SLC9A1: variants seen among roughly 807,000 people sequenced by gnomAD.
SLC9A1 encodes the protein solute carrier family 9 member A1, also known as sodium/hydrogen exchanger 1.
Under a neutral mutation model 67.9 loss-of-function variants are expected in SLC9A1, and 22 were observed. The ratio of observed to expected loss-of-function variants is 0.32; its 90% CI spans 0.23 to 0.46. SLC9A1 has a LOEUF of 0.46. Among genes scored for constraint, SLC9A1 ranks in the 20% least tolerant of loss-of-function variants. The pLI is 1.00. For missense variants in SLC9A1, 686 were observed against 1,094.8 expected, an observed-to-expected ratio of 0.63 and a Z score of 5.27; for synonymous variants, 421 against 471.8, an observed-to-expected ratio of 0.89 and a Z score of 1.40.
rs1048414883 is a variant in SLC9A1 at position 27,109,272 on chromosome 1, C to A, written c.1064+255G>T. 6.6e-6 allele frequency among the ~76,000 whole-genome samples: 1 copy of A among 152,182 alleles called. No individual in the cohort carries two copies. The highest frequency in any genetic ancestry group is 1.5e-5 in the Non-Finnish European group (1 of 68,032). ...GCAGGTCATTCTTGCTTCATCTGCT[C>A]ATAGCCTGAAATGCCCTCTCCCGAT... On this transcript the variant is annotated intron_variant, in intron 3 of 11. Coordinates refer to ENST00000263980, the MANE Select transcript of SLC9A1 (RefSeq NM_003047.5). The surrounding 1 kb of genome is among the most constrained non-coding windows in gnomAD (Gnocchi z 5.5).
intron 1 of SLC9A1, among the ~76,000 whole-genome samples, chr1:27,131,947 A>ATATATAT (rs1553119559): frequency 3.8e-5 from 2 of 52,124 alleles, no homozygotes; most frequent in Non-Finnish European, 7.7e-5. Context: ...AGAAAAAAAA[A>ATATATAT]ATATATATAT....
At chr1:27,148,983 G>T (rs1257720943) in intron 1 of SLC9A1, among the ~76,000 whole-genome samples, 16 of 152,362 alleles carry the variant, frequency 1.1e-4, no homozygotes, top group African/African-American at 2.9e-4. Context: ...CCGGAAGAGA[G>T]ATAGCAGGCA....
Position 27,118,400 on chromosome 1 carries a change from G to C in SLC9A1, c.353-4114C>G, listed in dbSNP as rs2083285357. The stretch of plus-strand genomic sequence containing the variant: ...AGGCTCCTTCAGGAGCAACGGCTCA[G>C]GGAAGTGGGAAGCAGCCCCTGGACC... On this transcript the variant is annotated intron_variant, in intron 1 of 11. Transcript: ENST00000263980. The surrounding 1 kb of genome is among the most constrained non-coding windows in gnomAD (Gnocchi z 4.3). Among the ~76,000 whole-genome samples the C allele has an allele frequency of 6.6e-6, 1 of 152,198 alleles. No homozygotes were observed. Among genetic ancestry groups the C allele is most frequent in the African/African-American group, 2.4e-5 (1 of 41,456 alleles).
intron 1 of SLC9A1, among the ~76,000 whole-genome samples, chr1:27,145,604 GCAC>G (rs2083480278): frequency 2.0e-5 from 3 of 152,248 alleles, no homozygotes. Context: ...AACAGGCTCA[GCAC>G]TGTGGCAAGG....
chr1:27,107,635 C>A lies in SLC9A1; in HGVS notation c.1282+13G>T, dbSNP rs1407763206. 6.5e-7 allele frequency: 1 copy of A among 1,545,242 alleles called. No homozygotes were observed. The highest frequency in any genetic ancestry group is 2.4e-5 in the East Asian group (1 of 41,026). On this transcript the variant is annotated intron_variant, in intron 4 of 11. Transcript: ENST00000263980. The stretch of plus-strand genomic sequence containing the variant: ...CACCACAACCCCCACCCCGCCCCAG[C>A]CCTGGCCCTCACCCAGCACGCGGGC...
chr1:27,122,963 G>A (rs1227960902), intron 1 of SLC9A1, among the ~76,000 whole-genome samples: 2 of 151,696 alleles, frequency 1.3e-5, no homozygotes, highest in East Asian at 3.9e-4. Context: ...GAGGTGCCAG[G>A]CAGTGGGGTG....
chr1:27,148,929 C>G (rs1023262780), intron 1 of SLC9A1, among the ~76,000 whole-genome samples: 2 of 152,118 alleles, frequency 1.3e-5, no homozygotes, highest in Admixed American at 6.6e-5. Flanking sequence ...CTTCCCTGCC[C>G]AAGCAGGGAA....
Position 27,126,768 on chromosome 1 carries a change from G to A in SLC9A1, c.353-12482C>T, listed in dbSNP as rs1299511434. ...CTAGCAGAACTGTTTGAGGGCAGAA[G>A]TCATGTCTGGTTTAACTTTTTTTCC... On this transcript the variant is annotated intron_variant, in intron 1 of 11. Transcript: ENST00000263980. 7.9e-5 allele frequency among the ~76,000 whole-genome samples: 12 copies of A among 152,328 alleles called. No homozygotes were observed. The East Asian group carries it at 2.3e-3, about 29-fold the overall frequency.
chr1:27,148,523 G>GA lies in SLC9A1; in HGVS notation c.352+5459dup, dbSNP rs529816755. ...AACCCAGCATGTTGGCCTGGCAGGA[G>GA]AGAGTTTGGCCTTGAGTGATTAGTC... On this transcript the variant is annotated intron_variant, in intron 1 of 11. Coordinates refer to ENST00000263980, the MANE Select transcript of SLC9A1 (RefSeq NM_003047.5). Among the ~76,000 whole-genome samples the GA allele has an allele frequency of 1.7e-3, 253 of 152,228 alleles. 1 individual carries two copies. Among genetic ancestry groups the GA allele is most frequent in the African/African-American group, 5.6e-3 (232 of 41,534 alleles).
chr1:27,145,724 T>C (rs1356681852), intron 1 of SLC9A1, among the ~76,000 whole-genome samples: 1 of 152,140 alleles, frequency 6.6e-6, no homozygotes, highest in African/African-American at 2.4e-5. Flanking sequence ...TAAGGACATA[T>C]CTTTTCAGGA....
intron 1 of SLC9A1, among the ~76,000 whole-genome samples, chr1:27,139,462 C>A (rs1215425698): frequency 6.6e-6 from 1 of 152,202 alleles, no homozygotes; most frequent in East Asian, 1.9e-4. Context: ...GGGGCCGTCA[C>A]ATAGTGCAGA....
intron 1 of SLC9A1, among the ~76,000 whole-genome samples, chr1:27,144,390 GA>G (rs2083469332): frequency 6.6e-6 from 1 of 152,208 alleles, no homozygotes; most frequent in Non-Finnish European, 1.5e-5. Context: ...CCGGCCCAGA[GA>G]AGATGCCCTT....
intron 1 of SLC9A1, among the ~76,000 whole-genome samples, chr1:27,145,480 A>T (rs1445924696): frequency 6.6e-6 from 1 of 152,230 alleles, no homozygotes; most frequent in Non-Finnish European, 1.5e-5. Context: ...TTCCAGCTTC[A>T]CTTGGCATAC....
rs768169083 is a variant in SLC9A1 at position 27,102,040 on chromosome 1, G to C, written c.1911C>G (p.Asn637Lys). The change falls in exon 9 of 12, where the codon AAC becomes AAG. Residue 637 changes from asparagine (N) to lysine (K), a missense_variant. By Grantham distance (94) the Asn-to-Lys change is moderately conservative. Coordinates refer to ENST00000263980, the MANE Select transcript of SLC9A1 (RefSeq NM_003047.5). ...KEEEIRKILR[N>K]NLQKTRQRLR... ...CCCGCTGCCTGGTCTTCTGCAAGTT[G>C]TTCCTCAGGATTTTGCGGATCTCCT... 9 of 1,613,746 alleles carry C rather than the reference G, an allele frequency of 5.6e-6. No individual in the cohort carries two copies. The highest frequency in any genetic ancestry group is 7.6e-6 in the Non-Finnish European group (9 of 1,179,724).
Position 27,101,955 on chromosome 1 carries a change from C to G in SLC9A1, c.1935+61G>C. 6.8e-7 allele frequency: 1 copy of G among 1,468,958 alleles called. No individual in the cohort carries two copies. Among genetic ancestry groups the G allele is most frequent in the Non-Finnish European group, 9.5e-7 (1 of 1,051,428 alleles). 91.0% of individuals were successfully genotyped at this position (1,468,958 alleles called of 1,614,324 possible). A position where few individuals can be genotyped will look rare whatever the true frequency, so the allele number is the denominator to read the frequency against. On this transcript the variant is annotated intron_variant, in intron 9 of 11. Coordinates refer to ENST00000263980, the MANE Select transcript of SLC9A1 (RefSeq NM_003047.5). This position sits in a 1 kb window ranked among gnomAD's most constrained non-coding sequence, Gnocchi z 4.9. ...AGGGGCACGGGCAGGGCAGGGCTGCCGTAGAGAGGGGCTGAAGGGCTCCTG... is the reference window on the plus strand; with the variant it reads ...AGGGGCACGGGCAGGGCAGGGCTGCGGTAGAGAGGGGCTGAAGGGCTCCTG...
intron 1 of SLC9A1, among the ~76,000 whole-genome samples, chr1:27,117,042 C>T (rs1193004495): frequency 6.6e-6 from 1 of 151,998 alleles, no homozygotes; most frequent in African/African-American, 2.4e-5. Flanking sequence ...CTGGTGCTTC[C>T]CTCTCTCATA....
At position 27,100,413 on chromosome 1, in the gene SLC9A1, G is replaced by T. The variant is rs556347900; in HGVS notation, c.2342C>A (p.Ala781Glu). 6.2e-7 allele frequency: 1 copy of T among 1,608,506 alleles called. No homozygotes were observed. The highest frequency in any genetic ancestry group is 1.3e-5 in the African/African-American group (1 of 74,916). Residue 781 changes from alanine to glutamate, a missense_variant, in exon 12 of 12, where the codon GCG (alanine) becomes GAG (glutamate). Transcript: ENST00000263980. The surrounding 1 kb of genome is among the most constrained non-coding windows in gnomAD (Gnocchi z 5.6). ...CTGGGAGCTGGGGCTGTCACTGGGCGCGGGGGTGAAGACATCGTCGGTTCC... is the reference window on the plus strand; with the variant it reads ...CTGGGAGCTGGGGCTGTCACTGGGCTCGGGGGTGAAGACATCGTCGGTTCC... ...SPGTDDVFTP[A>E]PSDSPSSQRI...
intron 1 of SLC9A1, among the ~76,000 whole-genome samples, chr1:27,133,622 C>T (rs896012533): frequency 3.9e-5 from 6 of 152,038 alleles, no homozygotes; most frequent in African/African-American, 1.4e-4. Context: ...GGGAAGGGTG[C>T]TATGTGCCCT....
At position 27,154,589 on chromosome 1, in the gene SLC9A1, TC is replaced by T. The variant is rs1008107776; in HGVS notation, c.-256del. The T allele has an allele frequency of 2.4e-6, 1 of 417,160 alleles. No individual in the cohort carries two copies. Among genetic ancestry groups the T allele is most frequent in the Non-Finnish European group, 4.3e-6 (1 of 232,570 alleles). 25.8% of individuals were successfully genotyped at this position (417,160 alleles called of 1,614,324 possible). ...GAAAGGAGACCAAAAGGTCTGGAACTCCGGGCCTGGGAAGGGGGAGGACGGA... is the reference window on the plus strand; with the variant it reads ...GAAAGGAGACCAAAAGGTCTGGAACTCGGGCCTGGGAAGGGGGAGGACGGA... On this transcript the variant is annotated 5_prime_UTR_variant, in exon 1 of 12. Transcript: ENST00000263980.
Sources: gnomAD v4.1 joint callset for allele counts (sites outside exome capture counted in the v4.1 genomes callset) on GRCh38, gnomAD v4.1.1 for gene constraint, Gnocchi (gnomAD v3.1) non-coding constraint, MANE v1.5 for transcripts, NCBI Gene and HGNC (gene_info 2026-07-23, HGNC 2026-07-21) for gene names.